Variants in NFX1 observed in about 807,000 individuals in gnomAD.
The protein encoded by NFX1 is nuclear transcription factor, X-box binding 1.
In NFX1, 69 loss-of-function variants were observed where a neutral mutation model predicts 137.2. The ratio of observed to expected loss-of-function variants is 0.50; its 90% confidence interval spans 0.41 to 0.61. NFX1 has a LOEUF of 0.61. NFX1 is among the 20% of genes least tolerant of loss of function. NFX1 has a pLI of 0.00. For missense variants in NFX1, 1,167 were observed against 1,391.0 expected (o/e 0.84, Z 2.56); for synonymous variants, 495 against 474.1 (o/e 1.04, Z -0.57).
At chr9:33,355,641 C>CTTTTT (rs35866452) in intron 19 of NFX1, among the ~76,000 whole-genome samples, 7 of 92,184 alleles carry the variant, frequency 7.6e-5, no homozygotes, top group Non-Finnish European at 1.1e-4. Context: ...GTTAAGAATT[C>CTTTTT]TTTTTTTTTT....
intron 1 of NFX1, among the ~76,000 whole-genome samples, chr9:33,293,894 GAAATAAGT>G (rs1479469114): frequency 6.6e-6 from 1 of 152,170 alleles, no homozygotes; most frequent in Admixed American, 6.5e-5. Context: ...AGTAACCGTT[GAAATAAGT>G]ATTGTCATCC....
intron 19 of NFX1, among the ~76,000 whole-genome samples, chr9:33,358,159 C>G (rs1823873158): frequency 6.6e-6 from 1 of 151,900 alleles, no homozygotes; most frequent in Non-Finnish European, 1.5e-5. Flanking sequence ...GAGTCTCGTT[C>G]TGTTTCCCAG....
chr9:33,356,512 A>G (rs752097779), intron 19 of NFX1, among the ~76,000 whole-genome samples: 2 of 152,176 alleles, frequency 1.3e-5, no homozygotes, highest in South Asian at 2.1e-4. Flanking sequence ...TAATGTTAAT[A>G]TTATCCAGTT....
chr9:33,367,628 C>G lies in NFX1; in HGVS notation c.3290+9C>G. The G allele has an allele frequency of 2.5e-6, 4 of 1,612,572 alleles. No homozygotes were observed. Among genetic ancestry groups the G allele is most frequent in the Non-Finnish European group, 2.5e-6 (3 of 1,178,902 alleles). ...AGACATCAGTCAGACAAGTAAGATTCTCCAGCTGCTTTCCAAGGGGACCTG... is the reference window on the plus strand; with the variant it reads ...AGACATCAGTCAGACAAGTAAGATTGTCCAGCTGCTTTCCAAGGGGACCTG... On this transcript the variant is annotated intron_variant, in intron 23 of 23. Transcript: ENST00000379540.
intron 7 of NFX1, among the ~76,000 whole-genome samples, chr9:33,316,797 C>T (rs1041354499): frequency 1.3e-5 from 2 of 152,142 alleles, no homozygotes; most frequent in Non-Finnish European, 1.5e-5. Flanking sequence ...TCTTCTGTCA[C>T]CTGCTCATAT....
chr9:33,325,022 C>T (rs892127433), intron 9 of NFX1, among the ~76,000 whole-genome samples: 4 of 151,560 alleles, frequency 2.6e-5, no homozygotes, highest in Non-Finnish European at 5.9e-5. Context: ...ATGTGGGACA[C>T]CTTTAACTGT....
Position 33,354,096 on chromosome 9 carries a change from A to T in NFX1, c.2740A>T (p.Ile914Phe). ...ASSTYQRIAA[I>F]SMASKITDMQ... is the part of the protein sequence containing the mutation. ...TTTTTTATATTTCAGAATAGCTGCA[A>T]TCTCCATGGCCTCTAAGATAACAGA... The change falls in exon 18 of 24, where the codon ATC (isoleucine) becomes TTC (phenylalanine). Residue 914 changes from isoleucine to phenylalanine, a missense_variant. Physicochemically the swap from Ile to Phe is conservative, Grantham distance 21. Around this residue, in one of 3 missense-constraint regions of NFX1, gnomAD observed 312 missense variants for 312.8 expected, o/e 1.00. Transcript: ENST00000379540. 1 of 1,607,708 alleles carries T rather than the reference A, an allele frequency of 6.2e-7. No homozygotes were observed.
rs2118380322 is a variant in NFX1, at chr9:33,318,260, T to G, written c.1589-471T>G. On this transcript the variant is annotated intron_variant, in intron 7 of 23. Coordinates refer to ENST00000379540, the MANE Select transcript of NFX1 (RefSeq NM_002504.6). ...AACCTGACATAAAGTATGAAACCTGTGCTTCTTGGGTTGAAGTGAGGATGG... is the reference window on the plus strand; with the variant it reads ...AACCTGACATAAAGTATGAAACCTGGGCTTCTTGGGTTGAAGTGAGGATGG... Among the ~76,000 whole-genome samples, 3 of 152,316 alleles carry G rather than the reference T, an allele frequency of 2.0e-5. No individual in the cohort carries two copies. The Middle Eastern group carries it at 0.01, about 518-fold the overall frequency.
chr9:33,323,478 G>A (rs1822460193), intron 9 of NFX1, among the ~76,000 whole-genome samples: 1 of 152,178 alleles, frequency 6.6e-6, no homozygotes, highest in South Asian at 2.1e-4. Flanking sequence ...AACTGGGCCA[G>A]GCATGGTGGC....
At position 33,343,989 on chromosome 9, in the gene NFX1, G is replaced by T. The variant is rs1057509803; in HGVS notation, c.2225-80G>T. On this transcript the variant is annotated intron_variant, in intron 13 of 23. Transcript: ENST00000379540. ...CCTCTAAAAATACAAGCAAAAATGT[G>T]TGTGTTTGTGTGTGTTAGTATGTAC... 2.2e-5 allele frequency: 34 copies of T among 1,567,048 alleles called. No individual in the cohort carries two copies. In the Admixed American group the frequency reaches 4.9e-4, roughly 23 times the overall value.
intron 12 of NFX1, among the ~76,000 whole-genome samples, chr9:33,340,108 G>A (rs1047263661): frequency 4.6e-5 from 7 of 152,222 alleles, no homozygotes; most frequent in Admixed American, 2.6e-4. Flanking sequence ...TAGGGACTCC[G>A]TGTGGGGGCT....
chr9:33,295,346 C>T lies in NFX1; in HGVS notation c.952C>T (p.Arg318Trp), dbSNP rs751297808. Residue 318 changes from arginine to tryptophan, a missense_variant, in exon 2 of 24, where the codon CGG becomes TGG. Arg to Trp is a moderately radical substitution (Grantham distance 101, BLOSUM62 -3). This residue lies in a region of NFX1 where 367 missense variants were observed against 386.7 expected (regional missense o/e 0.95). Coordinates refer to ENST00000379540, the MANE Select transcript of NFX1 (RefSeq NM_002504.6). Reference protein sequence around the residue: ...RRVDQEKCTVRRQDPQVVSPF... With the variant: ...RRVDQEKCTVWRQDPQVVSPF... ...GGTTGACCAAGAGAAATGCACTGTA[C>T]GGAGGCAGGATCCTCAAGTAGTATC... is the stretch of plus-strand genomic sequence containing the variant. 112 of 1,613,940 alleles carry T rather than the reference C, an allele frequency of 6.9e-5. No individual in the cohort carries two copies. Among genetic ancestry groups the T allele is most frequent in the South Asian group, 1.9e-4 (17 of 91,092 alleles).
chr9:33,335,230 T>TC (rs1564129228), intron 11 of NFX1, among the ~76,000 whole-genome samples: 1 of 143,914 alleles, frequency 6.9e-6, no homozygotes, highest in Non-Finnish European at 1.5e-5. Context: ...TCTTTTTCTT[T>TC]TTTTTTTTTT....
At chr9:33,361,995 C>T (rs968286265) in intron 19 of NFX1, among the ~76,000 whole-genome samples, 3 of 151,628 alleles carry the variant, frequency 2.0e-5, no homozygotes, top group Non-Finnish European at 2.9e-5. Context: ...TGGTGGCACA[C>T]TTGTAGTGCC....
chr9:33,334,161 A>C (rs1822914005), intron 11 of NFX1, among the ~76,000 whole-genome samples: 3 of 152,196 alleles, frequency 2.0e-5, no homozygotes, highest in South Asian at 4.1e-4. Flanking sequence ...GAAACAAGAA[A>C]AACATAATTT....
At chr9:33,301,636 A>G (rs1262618831) in intron 3 of NFX1, among the ~76,000 whole-genome samples, 1 of 152,260 alleles carries the variant, frequency 6.6e-6, no homozygotes, top group Non-Finnish European at 1.5e-5. Flanking sequence ...ATTTTAAGAT[A>G]CGACAAAATC....
chr9:33,325,003 G>C (rs1822527950), intron 9 of NFX1, among the ~76,000 whole-genome samples: 1 of 151,694 alleles, frequency 6.6e-6, no homozygotes, highest in African/African-American at 2.4e-5. Context: ...AATGAACAAA[G>C]CCTCAGAAAT....
At chr9:33,331,038 C>T (rs762704295) in intron 10 of NFX1, among the ~76,000 whole-genome samples, 14 of 151,918 alleles carry the variant, frequency 9.2e-5, no homozygotes, top group Middle Eastern at 3.2e-3. Flanking sequence ...CGGTGGTGGG[C>T]GCCTGTAGTC....
At chr9:33,326,757 T>C (rs572206981) in intron 9 of NFX1, among the ~76,000 whole-genome samples, 2 of 152,188 alleles carry the variant, frequency 1.3e-5, no homozygotes, top group African/African-American at 2.4e-5. Flanking sequence ...ATATTTGTTA[T>C]CTTTTTCAGC....
Sources: gnomAD v4.1 joint callset for allele counts (sites outside exome capture counted in the v4.1 genomes callset) on GRCh38, gnomAD v4.1.1 for gene constraint, gnomAD v4.1.1 regional missense constraint, MANE v1.5 for transcripts, NCBI Gene and HGNC (gene_info 2026-07-23, HGNC 2026-07-21) for gene names.